DLG2: variants seen among roughly 807,000 people sequenced by gnomAD.
DLG2 encodes discs large MAGUK scaffold protein 2.
DLG2 carries 45 observed loss-of-function variants against 132.5 expected under a neutral mutation model. The observed-to-expected ratio is 0.34, with a 90% CI of 0.27 to 0.44. The LOEUF (loss-of-function observed/expected upper bound fraction) is 0.44, where lower values mean the gene tolerates loss of function less well. Among genes scored for constraint, DLG2 ranks in the 20% least tolerant of loss-of-function variants. The pLI is 1.00. For synonymous variants in DLG2, 424 were observed against 419.6 expected (o/e 1.01, Z -0.13); for missense variants, 1,045 against 1,196.9 (o/e 0.87, Z 1.87).
At chr11:85,418,421 G>A (rs187325524) in intron 3 of DLG2, among the ~76,000 whole-genome samples, 215 of 152,320 alleles carry the variant, frequency 1.4e-3, no homozygotes, top group Admixed American at 2.9e-3. Context: ...ATATTCTGTT[G>A]ATTTGGGGTG....
At chr11:84,149,729 T>C (rs2095230262) in intron 9 of DLG2, among the ~76,000 whole-genome samples, 1 of 152,036 alleles carries the variant, frequency 6.6e-6, no homozygotes, top group Non-Finnish European at 1.5e-5. Flanking sequence ...ATTTTATTTA[T>C]TTATTTATTT....
chr11:85,014,492 T>C (rs1210220747), intron 6 of DLG2, among the ~76,000 whole-genome samples: 2 of 152,156 alleles, frequency 1.3e-5, no homozygotes, highest in Non-Finnish European at 2.9e-5. Context: ...CCCCTTAATA[T>C]CTCACTTCAA....
At chr11:83,594,463 C>G (rs974340261) in intron 19 of DLG2, among the ~76,000 whole-genome samples, 40 of 152,120 alleles carry the variant, frequency 2.6e-4, no homozygotes, top group Admixed American at 9.2e-4. Context: ...ATAATTTACA[C>G]AGACATTTCA....
At chr11:84,224,897 G>A (rs555805049) in intron 8 of DLG2, among the ~76,000 whole-genome samples, 1 of 152,176 alleles carries the variant, frequency 6.6e-6, no homozygotes, top group African/African-American at 2.4e-5. Flanking sequence ...TATCCCCATG[G>A]ATTGTTCTTC....
chr11:84,033,953 T>C (rs1032566123), intron 11 of DLG2, among the ~76,000 whole-genome samples: 3 of 152,124 alleles, frequency 2.0e-5, no homozygotes, highest in Non-Finnish European at 4.4e-5. Context: ...TGTTGGCACA[T>C]GCCTGTAATC....
intron 15 of DLG2, among the ~76,000 whole-genome samples, chr11:83,905,338 T>A (rs750395844): frequency 7.2e-5 from 11 of 152,136 alleles, no homozygotes; most frequent in Admixed American, 6.6e-4. Flanking sequence ...TTCTTACCCA[T>A]CCTCTGGGGC....
chr11:84,212,098 G>GA (rs2154311695), intron 8 of DLG2, among the ~76,000 whole-genome samples: 1 of 152,320 alleles, frequency 6.6e-6, no homozygotes, highest in South Asian at 2.1e-4. Context: ...ACTTTCAAAT[G>GA]AAGTAATCTA....
At chr11:85,533,458 CATATAT>C (rs34379979) in intron 3 of DLG2, among the ~76,000 whole-genome samples, 3 of 142,150 alleles carry the variant, frequency 2.1e-5, no homozygotes, top group East Asian at 4.0e-4. Flanking sequence ...ACATAAAATA[CATATAT>C]ATATATATAT....
chr11:84,521,721 C>T (rs2099301765), intron 7 of DLG2, among the ~76,000 whole-genome samples: 1 of 152,084 alleles, frequency 6.6e-6, no homozygotes, highest in African/African-American at 2.4e-5. Context: ...GGCAGCTCAG[C>T]TTTAATTGTT....
intron 18 of DLG2, among the ~76,000 whole-genome samples, chr11:83,745,153 T>A (rs532260488): frequency 1.4e-3 from 211 of 152,312 alleles, no homozygotes; most frequent in African/African-American, 4.9e-3. Flanking sequence ...TTTTACAGGA[T>A]TTAAACCCCT....
intron 6 of DLG2, among the ~76,000 whole-genome samples, chr11:84,668,265 T>C (rs1042147433): frequency 2.6e-5 from 4 of 152,170 alleles, no homozygotes; most frequent in African/African-American, 9.6e-5. Context: ...CATTCTAGGG[T>C]GACTCTACTA....
At chr11:85,506,600 G>A (rs923284770) in intron 3 of DLG2, among the ~76,000 whole-genome samples, 9 of 152,176 alleles carry the variant, frequency 5.9e-5, no homozygotes, top group African/African-American at 1.9e-4. Flanking sequence ...TATCATTTCT[G>A]TTCTTTTACA....
chr11:85,314,250 T>A (rs187474715), intron 3 of DLG2, among the ~76,000 whole-genome samples: 84 of 152,034 alleles, frequency 5.5e-4, no homozygotes, highest in African/African-American at 1.4e-3. Context: ...TATTCTGAAC[T>A]CTAAAATATT....
At chr11:84,487,198 A>G (rs116986706) in intron 7 of DLG2, among the ~76,000 whole-genome samples, 686 of 152,284 alleles carry the variant, frequency 4.5e-3, no homozygotes, top group Non-Finnish European at 7.7e-3. Flanking sequence ...TTTATCTGAA[A>G]GTTATAATTT....
chr11:84,525,037 G>C (rs758467261), intron 7 of DLG2, among the ~76,000 whole-genome samples: 15 of 151,820 alleles, frequency 9.9e-5, no homozygotes, highest in Non-Finnish European at 1.6e-4. Context: ...TAAATGTTGT[G>C]GTAAATTTCT....
At chr11:84,684,971 G>T (rs748966655) in intron 6 of DLG2, among the ~76,000 whole-genome samples, 1 of 152,136 alleles carries the variant, frequency 6.6e-6, no homozygotes, top group Admixed American at 6.5e-5. Context: ...GGTGAGTAGC[G>T]CTCTTTTATT....
intron 3 of DLG2, among the ~76,000 whole-genome samples, chr11:85,594,011 T>C (rs1404902187): frequency 6.6e-6 from 1 of 152,154 alleles, no homozygotes; most frequent in Admixed American, 6.5e-5. Flanking sequence ...GAAGTGTTGA[T>C]AAATGAATAA....
intron 4 of DLG2, among the ~76,000 whole-genome samples, chr11:85,206,559 T>G (rs1312927286): frequency 6.6e-6 from 1 of 152,188 alleles, no homozygotes; most frequent in Non-Finnish European, 1.5e-5. Flanking sequence ...TTTGCTTTAT[T>G]TTATCCCAAT....
At chr11:84,828,157 TA>T (rs2078576603) in intron 6 of DLG2, among the ~76,000 whole-genome samples, 1 of 151,662 alleles carries the variant, frequency 6.6e-6, no homozygotes, top group Non-Finnish European at 1.5e-5. Context: ...AAGGACTGGA[TA>T]GGCAGGGGCA....
Sources: gnomAD v4.1 joint callset for allele counts (sites outside exome capture counted in the v4.1 genomes callset) on GRCh38, gnomAD v4.1.1 for gene constraint, MANE v1.5 for transcripts, NCBI Gene and HGNC (gene_info 2026-07-23, HGNC 2026-07-21) for gene names.